ZNF91: variants seen among roughly 807,000 people sequenced by gnomAD.
The protein encoded by ZNF91 is zinc finger protein 91.
Under a neutral mutation model 12.6 loss-of-function variants are expected in ZNF91, and 7 were observed. The ratio of observed to expected loss-of-function variants is 0.55; its 90% CI spans 0.31 to 1.04. The LOEUF is 1.04. Among genes scored for constraint, ZNF91 ranks in the 50% least tolerant of loss-of-function variants. The probability of loss-of-function intolerance (pLI) is 0.05; values close to 1 mark genes in which losing one functional copy is unlikely to be tolerated. For synonymous variants in ZNF91, 453 were observed against 462.6 expected, an observed-to-expected ratio of 0.98 and a Z score of 0.27; for missense variants, 1,217 against 1,385.4, an observed-to-expected ratio of 0.88 and a Z score of 1.93.
At chr19:23,328,011 C>A (rs1343558853) in intron 1 of ZNF91, 2 of 152,042 alleles carry the variant, frequency 1.3e-5, no homozygotes, top group African/African-American at 4.8e-5. Context: ...ACTTAGCCTC[C>A]TTTTAGAAGA....
chr19:23,315,593 C>T (rs76037634), upstream of ZNF91, among the ~76,000 whole-genome samples: 488 of 151,272 alleles, frequency 3.2e-3, 3 homozygotes, highest in Middle Eastern at 0.037. Context: ...CTTTCTTGGA[C>T]CTGTCCACAG....
chr19:23,341,404 AGTTT>A (rs1568373756), intron 3 of ZNF91, among the ~76,000 whole-genome samples: 2 of 152,208 alleles, frequency 1.3e-5, no homozygotes, highest in Non-Finnish European at 2.9e-5. Flanking sequence ...AAAGAAAAAT[AGTTT>A]ATTATATGAA....
intron 3 of ZNF91, among the ~76,000 whole-genome samples, chr19:23,343,892 T>C (rs564072302): frequency 3.9e-5 from 6 of 152,334 alleles, no homozygotes; most frequent in African/African-American, 1.4e-4. Flanking sequence ...AATGTGATTG[T>C]TTCTGCACAT....
intron 1 of ZNF91, among the ~76,000 whole-genome samples, chr19:23,331,812 G>C (rs1316785338): frequency 6.6e-6 from 1 of 152,110 alleles, no homozygotes; most frequent in African/African-American, 2.4e-5. Flanking sequence ...GTTAACACTG[G>C]TCAAATTCTT....
intron 1 of ZNF91, among the ~76,000 whole-genome samples, chr19:23,319,506 A>G (rs534339322): frequency 1.3e-5 from 2 of 152,338 alleles, no homozygotes; most frequent in Non-Finnish European, 2.9e-5. Flanking sequence ...GTGAAATAAC[A>G]CTGGGTCCAA....
At chr19:23,374,887 A>T in intron 1 of ZNF91, 123 bp from the exon 2 acceptor site, 1 of 1,449,950 alleles carries the variant, frequency 6.9e-7, no homozygotes, top group Non-Finnish European at 9.3e-7. Flanking sequence ...GGCTGAAATT[A>T]TCCAATAAAA....
At chr19:23,382,150 G>C (rs1166972976) in intron 1 of ZNF91, among the ~76,000 whole-genome samples, 1 of 151,034 alleles carries the variant, frequency 6.6e-6, no homozygotes, top group African/African-American at 2.4e-5. Flanking sequence ...TAATCTAAAT[G>C]TTATAAGAAA....
At chr19:23,336,839 C>T (rs533903686), downstream of ZNF91, among the ~76,000 whole-genome samples, 18 of 152,128 alleles carry the variant, frequency 1.2e-4, no homozygotes, top group South Asian at 4.2e-4. Flanking sequence ...GCGTGATCTC[C>T]GCCCACTGCA....
At chr19:23,317,617 C>A (rs1279242739) in intron 1 of ZNF91, among the ~76,000 whole-genome samples, 2 of 152,152 alleles carry the variant, frequency 1.3e-5, no homozygotes, top group African/African-American at 4.8e-5. Context: ...CATACTGCCA[C>A]GTGAACACGG....
chr19:23,325,914 G>A (rs1209891450), intron 1 of ZNF91: 1 of 152,106 alleles, frequency 6.6e-6, no homozygotes, highest in Non-Finnish European at 1.5e-5. Flanking sequence ...CCTCCCTGTT[G>A]TCTACAAAAA....
At chr19:23,337,885 T>TA (rs1398262913), downstream of ZNF91, 2 of 152,078 alleles carry the variant, frequency 1.3e-5, no homozygotes, top group African/African-American at 4.8e-5. Flanking sequence ...GATTCAATAA[T>TA]AGACTGGAAG....
At chr19:23,313,084 T>G (rs1346675913), upstream of ZNF91, among the ~76,000 whole-genome samples, 1 of 152,220 alleles carries the variant, frequency 6.6e-6, no homozygotes, top group Non-Finnish European at 1.5e-5. Flanking sequence ...ATTGTTGAGA[T>G]GAACTCATGT....
At chr19:23,390,333 C>G (rs986075147) in intron 1 of ZNF91, among the ~76,000 whole-genome samples, 1 of 152,014 alleles carries the variant, frequency 6.6e-6, no homozygotes, top group Non-Finnish European at 1.5e-5. Context: ...GAAAAAGGTA[C>G]AACCCCAACA....
At chr19:23,369,481 C>T (rs889340474) in intron 3 of ZNF91, among the ~76,000 whole-genome samples, 4 of 152,038 alleles carry the variant, frequency 2.6e-5, no homozygotes, top group Non-Finnish European at 4.4e-5. Context: ...CCCCTCTGCC[C>T]GGCCACCACC....
chr19:23,386,582 G>A (rs1599757914), intron 1 of ZNF91, among the ~76,000 whole-genome samples: 2 of 152,148 alleles, frequency 1.3e-5, no homozygotes, highest in Admixed American at 1.3e-4. Context: ...ATAAATGGTT[G>A]TGGAATAACC....
At chr19:23,381,672 C>T (rs1969720428) in intron 1 of ZNF91, among the ~76,000 whole-genome samples, 1 of 152,112 alleles carries the variant, frequency 6.6e-6, no homozygotes, top group Non-Finnish European at 1.5e-5. Context: ...GTTGGTCAGG[C>T]TGGTCTATAA....
downstream of ZNF91, among the ~76,000 whole-genome samples, chr19:23,356,905 C>G (rs1968502001): frequency 6.6e-6 from 1 of 151,970 alleles, no homozygotes; most frequent in African/African-American, 2.4e-5. Flanking sequence ...ACCAGTTTGA[C>G]CAACATGGTG....
intron 1 of ZNF91, among the ~76,000 whole-genome samples, chr19:23,316,829 T>C (rs1399101284): frequency 6.6e-6 from 1 of 152,164 alleles, no homozygotes; most frequent in East Asian, 1.9e-4. Flanking sequence ...CAGAATGCCA[T>C]CACAGAGCCC....
intron 1 of ZNF91, among the ~76,000 whole-genome samples, chr19:23,331,410 G>C (rs1211257176): frequency 1.3e-5 from 2 of 152,228 alleles, no homozygotes; most frequent in African/African-American, 4.8e-5. Flanking sequence ...TCTTAGGGTT[G>C]TCTGTAATAT....
Sources: allele counts gnomAD v4.1 joint callset (sites outside exome capture counted in the v4.1 genomes callset), GRCh38; gene constraint gnomAD v4.1.1; transcripts MANE v1.5; gene names NCBI Gene and HGNC (gene_info 2026-07-23, HGNC 2026-07-21).